The following KLC4 variants were observed in gnomAD, a reference collection of about 807,000 sequenced individuals.
KLC4 encodes kinesin light chain 4.
Under a neutral mutation model 77.2 loss-of-function variants are expected in KLC4, and 49 were observed. The ratio of observed to expected loss-of-function variants is 0.63; its 90% CI spans 0.50 to 0.80. The LOEUF (loss-of-function observed/expected upper bound fraction) is 0.80. Among genes scored for constraint, KLC4 ranks in the 30% least tolerant of loss-of-function variants. The probability of loss-of-function intolerance (pLI) is 0.00; values close to 1 mark genes in which losing one functional copy is unlikely to be tolerated. For synonymous variants in KLC4, 274 were observed against 314.5 expected (o/e 0.87, Z 1.36); for missense variants, 669 against 793.5 (o/e 0.84, Z 1.89).
chr6:43,060,652 G>A (rs376065532), intron 1 of KLC4: 3 of 1,099,842 alleles, frequency 2.7e-6, no homozygotes. Context: ...TGAGGAAGTG[G>A]GAACACAGTC....
intron 6 of KLC4, among the ~76,000 whole-genome samples, chr6:43,069,610 G>T (rs957940095): frequency 2.0e-5 from 3 of 152,058 alleles, no homozygotes; most frequent in African/African-American, 7.2e-5. Context: ...GTGCAACATG[G>T]CACGATCTTG....
rs770095589 is a variant in KLC4 at position 43,073,204 on chromosome 6, G to C, written c.1630-19G>C. 2.5e-6 allele frequency: 4 copies of C among 1,597,564 alleles called. No individual in the cohort carries two copies. Among genetic ancestry groups the C allele is most frequent in the Non-Finnish European group, 3.4e-6 (4 of 1,165,224 alleles). On this transcript the variant is annotated intron_variant, in intron 13 of 15. Coordinates refer to ENST00000347162, the MANE Select transcript of KLC4 (RefSeq NM_201521.3). ...GTGTGGGATCCTTGTAGCTTTCATT[G>C]CTCACTCCTTTCTGCCAGGATGGCA... is the stretch of plus-strand genomic sequence containing the variant.
At chr6:43,068,978 T>A (rs1765593638) in intron 6 of KLC4, among the ~76,000 whole-genome samples, 1 of 151,968 alleles carries the variant, frequency 6.6e-6, no homozygotes, top group African/African-American at 2.4e-5. Flanking sequence ...TGTGGTGGCA[T>A]GCACCTGTAG....
At position 43,060,028 on chromosome 6, in the gene KLC4, C is replaced by T. The variant is rs186024408; in HGVS notation, c.-26+343C>T. 4.3e-4 allele frequency: 632 copies of T among 1,463,134 alleles called. 8 individuals carry two copies. The African/African-American group carries it at 7.8e-3, about 18-fold the overall frequency. 90.6% of individuals were successfully genotyped at this position (1,463,134 alleles called of 1,614,324 possible). ...TGGGCACCAGGGCAGGTCGACAGCCCGAGGCACTCCTCTACTGCGTTTCCA... is the reference window on the plus strand; with the variant it reads ...TGGGCACCAGGGCAGGTCGACAGCCTGAGGCACTCCTCTACTGCGTTTCCA... On this transcript the variant is annotated intron_variant, in intron 1 of 15. Coordinates refer to ENST00000347162, the MANE Select transcript of KLC4 (RefSeq NM_201521.3).
intron 5 of KLC4, 112 bp downstream of exon 5, chr6:43,066,637 C>T (rs987396427): frequency 1.9e-5 from 16 of 845,126 alleles, no homozygotes; most frequent in Middle Eastern, 3.6e-4. Flanking sequence ...TGTTGGGCCT[C>T]CCAGATACAC....
At chr6:43,070,481 C>A in intron 7 of KLC4, 26 bp downstream of exon 7, 2 of 1,568,546 alleles carry the variant, frequency 1.3e-6, no homozygotes, top group South Asian at 1.1e-5. Context: ...CTCCCTTCTT[C>A]TCTTGTCGCT....
chr6:43,068,222 C>A (rs1435274471), intron 6 of KLC4, among the ~76,000 whole-genome samples: 2 of 151,630 alleles, frequency 1.3e-5, no homozygotes, highest in African/African-American at 4.8e-5. Flanking sequence ...GCCTGTAATC[C>A]CAGCACTTTG....
At chr6:43,074,079 G>T in intron 15 of KLC4, 114 bp downstream of exon 15, 1 of 768,626 alleles carries the variant, frequency 1.3e-6, no homozygotes, top group South Asian at 1.8e-5. Flanking sequence ...GGATGAAGAT[G>T]AGCCAGGGGA....
At chr6:43,062,815 C>T in intron 2 of KLC4, 102 bp from the exon 3 acceptor site, 1 of 903,952 alleles carries the variant, frequency 1.1e-6, no homozygotes, top group Non-Finnish European at 1.8e-6. Flanking sequence ...TCTGGCTCCT[C>T]TGTGCCCCTG....
chr6:43,060,965 A>G (rs77051504), intron 1 of KLC4: 3,694 of 268,960 alleles, frequency 0.014, 121 homozygotes, highest in African/African-American at 0.073. Flanking sequence ...TGTGATCCCC[A>G]TAGTGCTGTC....
chr6:43,060,411 G>T, intron 1 of KLC4: 2 of 1,478,786 alleles, frequency 1.4e-6, no homozygotes, highest in East Asian at 2.7e-5. Flanking sequence ...GGCAGAGGGA[G>T]GGAGGGAGGG....
chr6:43,072,182 C>G lies in KLC4; in HGVS notation c.1415C>G (p.Ala472Gly), dbSNP rs1021753364. ...AACACTACTCTGAGAAACCTGGGAG[C>G]TCTGTATAGGCGCCAGGGAAAGCTG... is the stretch of plus-strand genomic sequence containing the variant. Reference protein sequence around the residue: ...TVNTTLRNLGALYRRQGKLEA... With the variant: ...TVNTTLRNLGGLYRRQGKLEA... Residue 472 changes from alanine to glycine, a missense_variant, in exon 12 of 16, where the codon GCT becomes GGT. Transcript: ENST00000347162. 3 of 1,614,116 alleles carry G rather than the reference C, an allele frequency of 1.9e-6. No homozygotes were observed. The highest frequency in any genetic ancestry group is 2.2e-5 in the South Asian group (2 of 91,082).
chr6:43,074,495 C>T, intron 15 of KLC4, 127 bp from the exon 16 acceptor site: 1 of 835,272 alleles, frequency 1.2e-6, no homozygotes, highest in Non-Finnish European at 2.0e-6. Context: ...CAGAGATAGA[C>T]TGGTCCAGAG....
chr6:43,060,474 G>A, intron 1 of KLC4: 1 of 1,378,716 alleles, frequency 7.3e-7, no homozygotes, highest in Non-Finnish European at 9.4e-7. Context: ...CTGTGAAGTG[G>A]TGAAAGAAGG....
In KLC4 at chr6:43,059,897, T is replaced by A. The variant is rs943226492; in HGVS notation, c.-26+212T>A. On this transcript the variant is annotated intron_variant, in intron 1 of 15. Transcript: ENST00000347162. ...CCCCCTGCGCCACCGACTGACTCAG[T>A]GACCTCGGGGTCGTTAGGCCTCCAC... The A allele has an allele frequency of 9.8e-6, 12 of 1,227,982 alleles. No individual in the cohort carries two copies. The African/African-American group carries it at 1.6e-4, about 16-fold the overall frequency. The allele number at this position is 1,227,982 out of a possible 1,614,324, so 76.1% of individuals were successfully genotyped here. A position where few individuals can be genotyped will look rare whatever the true frequency, so the allele number is the denominator to read the frequency against.
At chr6:43,067,153 C>T (rs1363876934) in intron 6 of KLC4, 70 bp downstream of exon 6, 3 of 1,535,366 alleles carry the variant, frequency 2.0e-6, no homozygotes, top group Admixed American at 3.7e-5. Flanking sequence ...CCTCTCTTAG[C>T]TCATCCATCT....
At chr6:43,071,475 C>G in intron 9 of KLC4, 92 bp from the exon 10 acceptor site, 1 of 1,548,838 alleles carries the variant, frequency 6.5e-7, no homozygotes, top group Non-Finnish European at 8.9e-7. Flanking sequence ...GAGCCAGACC[C>G]CTTCAGTCCA....
intron 3 of KLC4, among the ~76,000 whole-genome samples, chr6:43,063,554 A>ATTT (rs59259365): frequency 3.4e-5 from 5 of 145,716 alleles, no homozygotes; most frequent in Admixed American, 6.8e-5. Context: ...AAATGTGTGA[A>ATTT]TTTTTTTTTT....
chr6:43,063,850 G>A (rs1463935499), intron 3 of KLC4, among the ~76,000 whole-genome samples: 4 of 151,956 alleles, frequency 2.6e-5, no homozygotes, highest in Non-Finnish European at 5.9e-5. Flanking sequence ...TACCATGCCC[G>A]GTCCAAAATG....
Sources: gnomAD v4.1 joint callset for allele counts (sites outside exome capture counted in the v4.1 genomes callset) on GRCh38, gnomAD v4.1.1 for gene constraint, MANE v1.5 for transcripts, NCBI Gene and HGNC (gene_info 2026-07-23, HGNC 2026-07-21) for gene names.